VIT: variants seen among roughly 807,000 people sequenced by gnomAD.
VIT encodes vitrin.
A neutral mutation model predicts 78.0 loss-of-function variants in VIT; 99 were observed. The ratio of observed to expected loss-of-function variants is 1.27; its 90% confidence interval spans 1.08 to 1.50. The LOEUF (loss-of-function observed/expected upper bound fraction) is 1.50, where lower values mean the gene tolerates loss of function less well. VIT is among the 40% of genes most tolerant of loss of function. The pLI, the probability that VIT is intolerant of heterozygous loss-of-function variation, is 0.00. For missense variants in VIT, 1,126 were observed against 875.3 expected (o/e 1.29, Z -3.61); for synonymous variants, 374 against 334.3 (o/e 1.12, Z -1.29).
intron 6 of VIT, 165 bp downstream of exon 6, chr2:36,759,211 G>T: frequency 6.4e-7 from 1 of 1,559,600 alleles, no homozygotes; most frequent in Non-Finnish European, 8.7e-7. Context: ...AATGAGATCA[G>T]ATGGCTGGGG....
chr2:36,710,367 A>C (rs1419144571), intron 1 of VIT, among the ~76,000 whole-genome samples: 1 of 152,168 alleles, frequency 6.6e-6, no homozygotes, highest in African/African-American at 2.4e-5. Flanking sequence ...AGTGGGTTCT[A>C]GTGAAAACGC....
At chr2:36,757,976 G>A (rs1201639756) in intron 5 of VIT, among the ~76,000 whole-genome samples, 1 of 152,114 alleles carries the variant, frequency 6.6e-6, no homozygotes, top group East Asian at 1.9e-4. Flanking sequence ...GTGCCAGCAG[G>A]ATGGTTGGCA....
chr2:36,814,214 G>C lies in VIT; in HGVS notation c.1935G>C (p.Trp645Cys). Residue 645 changes from tryptophan (W) to cysteine (C), a missense_variant, in exon 16 of 16, where the codon TGG becomes TGC. Physicochemically the swap from Trp to Cys is radical, Grantham distance 215 (BLOSUM62 -2). Transcript: ENST00000379242. ...TCACCTATGCGATAGGCGTTGCCTG[G>C]GCTGCCCAAGAGGAGCTAGAAGTCA... ...GVITYAIGVA[W>C]AAQEELEVIA... 1 of 1,614,168 alleles carries C rather than the reference G, an allele frequency of 6.2e-7. No homozygotes were observed. Among genetic ancestry groups the C allele is most frequent in the Non-Finnish European group, 8.5e-7 (1 of 1,180,030 alleles).
At chr2:36,798,101 A>G (rs1572560190) in intron 12 of VIT, among the ~76,000 whole-genome samples, 2 of 152,190 alleles carry the variant, frequency 1.3e-5, no homozygotes, top group African/African-American at 4.8e-5. Flanking sequence ...GAGAATAAGA[A>G]AGAGAACAGC....
intron 6 of VIT, chr2:36,759,319 T>C (rs1320641123): frequency 4.9e-6 from 7 of 1,439,502 alleles, no homozygotes; most frequent in Non-Finnish European, 6.3e-6. Context: ...CCTTGAGTTT[T>C]AATGTATTGT....
chr2:36,772,675 C>T (rs1669833285), intron 7 of VIT, among the ~76,000 whole-genome samples: 1 of 152,182 alleles, frequency 6.6e-6, no homozygotes, highest in Non-Finnish European at 1.5e-5. Context: ...CCACTGTACC[C>T]CAGCCTGGGG....
At chr2:36,762,916 C>T (rs1669209438) in intron 6 of VIT, among the ~76,000 whole-genome samples, 1 of 152,202 alleles carries the variant, frequency 6.6e-6, no homozygotes, top group South Asian at 2.1e-4. Flanking sequence ...CGCGCCCCAA[C>T]TGCCCTGGCA....
At chr2:36,765,435 A>AGAGAGAGAG (rs1553372934) in intron 6 of VIT, among the ~76,000 whole-genome samples, 8,410 of 135,280 alleles carry the variant, frequency 0.062, 647 homozygotes, top group Middle Eastern at 0.1. Context: ...GAGAGAGAGA[A>AGAGAGAGAG]AGAGAGAGAG....
intron 13 of VIT, among the ~76,000 whole-genome samples, chr2:36,803,749 C>T (rs953617441): frequency 9.2e-5 from 14 of 152,164 alleles, no homozygotes; most frequent in African/African-American, 3.1e-4. Flanking sequence ...TGGCCAAAAT[C>T]AGAAATGCAT....
intron 2 of VIT, among the ~76,000 whole-genome samples, chr2:36,724,311 T>A (rs1327452544): frequency 6.6e-6 from 1 of 152,178 alleles, no homozygotes; most frequent in Non-Finnish European, 1.5e-5. Context: ...GGTTCCAGAC[T>A]TAACTCTCTT....
At chr2:36,802,702 G>A (rs750063275) in intron 13 of VIT, among the ~76,000 whole-genome samples, 15 of 152,188 alleles carry the variant, frequency 9.9e-5, no homozygotes, top group African/African-American at 1.2e-4. Context: ...AGGCACTCTC[G>A]TTCCTTGACG....
chr2:36,808,757 C>T lies in VIT; in HGVS notation c.1675C>T (p.Arg559Trp), dbSNP rs758050843. 13 of 1,613,882 alleles carry T rather than the reference C, an allele frequency of 8.1e-6. No homozygotes were observed. Among genetic ancestry groups the T allele is most frequent in the African/African-American group, 5.3e-5 (4 of 74,928 alleles). The change falls in exon 15 of 16, where the codon CGG becomes TGG. Residue 559 changes from arginine (R) to tryptophan (W), a missense_variant. Physicochemically the swap from Arg to Trp is moderately radical, Grantham distance 101. Transcript: ENST00000379242. ...GGCCGTGCAGTACACCTACGAACAG[C>T]GGCTGGAGTTTGGGTTCGACAAGTA... ...IGAVQYTYEQ[R>W]LEFGFDKYSS...
intron 12 of VIT, among the ~76,000 whole-genome samples, chr2:36,799,168 A>T (rs1666130675): frequency 6.6e-6 from 1 of 152,176 alleles, no homozygotes; most frequent in South Asian, 2.1e-4. Context: ...CTCTGGGGAT[A>T]GCATAGATCA....
chr2:36,792,584 G>T (rs1183160534), intron 12 of VIT, among the ~76,000 whole-genome samples: 1 of 152,168 alleles, frequency 6.6e-6, no homozygotes, highest in Non-Finnish European at 1.5e-5. Context: ...CCACCTGGGA[G>T]CTCCTAAAAC....
chr2:36,778,836 G>A (rs1329626926), intron 9 of VIT, among the ~76,000 whole-genome samples: 1 of 152,206 alleles, frequency 6.6e-6, no homozygotes, highest in Non-Finnish European at 1.5e-5. Context: ...TAGAAATTCT[G>A]CTGGTCCAGA....
At chr2:36,801,455 C>A in intron 13 of VIT, 51 bp downstream of exon 13, 1 of 1,442,492 alleles carries the variant, frequency 6.9e-7, no homozygotes, top group Non-Finnish European at 9.7e-7. Context: ...CGTTCTCTTT[C>A]TACGTGATTG....
Position 36,706,072 on chromosome 2 carries a change from C to G in VIT, c.-19+9099C>G, listed in dbSNP as rs144042811. Among the ~76,000 whole-genome samples, 421 of 152,322 alleles carry G rather than the reference C, an allele frequency of 2.8e-3. 2 individuals carry two copies. Among genetic ancestry groups the G allele is most frequent in the African/African-American group, 9.8e-3 (407 of 41,568 alleles). On this transcript the variant is annotated intron_variant, in intron 1 of 15. Coordinates refer to ENST00000379242, the MANE Select transcript of VIT (RefSeq NM_053276.4). Reference sequence around the variant, plus strand: ...TATGAGGAAACTCTACAGCAACATTCTGACAGCATGGTTTCAAGGTCACCC... The same window carrying G: ...TATGAGGAAACTCTACAGCAACATTGTGACAGCATGGTTTCAAGGTCACCC...
intron 1 of VIT, among the ~76,000 whole-genome samples, chr2:36,712,054 A>C (rs1193274287): frequency 6.6e-6 from 1 of 152,178 alleles, no homozygotes; most frequent in Non-Finnish European, 1.5e-5. Flanking sequence ...CATGTGCCCC[A>C]CAGCTCTGTG....
intron 3 of VIT, among the ~76,000 whole-genome samples, chr2:36,735,904 G>A (rs958718083): frequency 6.6e-6 from 1 of 152,150 alleles, no homozygotes; most frequent in Non-Finnish European, 1.5e-5. Flanking sequence ...ACCAGAGGTG[G>A]GAAAACATGA....
Sources: allele counts gnomAD v4.1 joint callset (sites outside exome capture counted in the v4.1 genomes callset), GRCh38; gene constraint gnomAD v4.1.1; transcripts MANE v1.5; gene names NCBI Gene and HGNC (gene_info 2026-07-23, HGNC 2026-07-21).